UGT1A7: variants seen among roughly 807,000 people sequenced by gnomAD.
UGT1A7 encodes UDP glucuronosyltransferase family 1 member A7.
Under a neutral mutation model 45.6 loss-of-function variants are expected in UGT1A7, and 33 were observed. The observed-to-expected ratio is 0.72, with a 90% CI of 0.55 to 0.97. The LOEUF is 0.97. Ranked by LOEUF, UGT1A7 falls within the 50% of genes least tolerant of loss-of-function variation. The probability of loss-of-function intolerance (pLI) is 0.00; values close to 1 mark genes in which losing one functional copy is unlikely to be tolerated. For missense variants in UGT1A7, 684 were observed against 666.2 expected (o/e 1.03, Z -0.29); for synonymous variants, 274 against 250.6 (o/e 1.09, Z -0.88).
At chr2:233,716,382 C>T (rs2076502409) in intron 1 of UGT1A7, among the ~76,000 whole-genome samples, 3 of 152,170 alleles carry the variant, frequency 2.0e-5, no homozygotes, top group Admixed American at 2.0e-4. Context: ...TTCTGCCTAC[C>T]ACAGACACTA....
intron 1 of UGT1A7, chr2:233,690,370 A>G (rs2125544798): frequency 1.1e-6 from 1 of 873,070 alleles, no homozygotes; most frequent in East Asian, 6.2e-5. Flanking sequence ...AAACCTCTCC[A>G]TAGGGTCCAC....
intron 1 of UGT1A7, among the ~76,000 whole-genome samples, chr2:233,765,679 C>T (rs750579921): frequency 2.7e-5 from 4 of 150,004 alleles, no homozygotes; most frequent in Non-Finnish European, 4.4e-5. Flanking sequence ...CATATGTATC[C>T]CAGAACTTCA....
At chr2:233,770,522 G>A (rs1294728713) in intron 4 of UGT1A7, 1 of 152,120 alleles carries the variant, frequency 6.6e-6, no homozygotes. Context: ...CCCAGGCATG[G>A]TGGTGTATGC....
At chr2:233,744,603 G>A (rs894598694) in intron 1 of UGT1A7, among the ~76,000 whole-genome samples, 6 of 151,902 alleles carry the variant, frequency 3.9e-5, no homozygotes, top group African/African-American at 9.7e-5. Context: ...TCTCTCTTTA[G>A]TACTTGGCTC....
chr2:233,719,172 A>G, intron 1 of UGT1A7: 2 of 1,614,250 alleles, frequency 1.2e-6, no homozygotes, highest in Non-Finnish European at 1.7e-6. Flanking sequence ...GGCAATTATG[A>G]ACAATGTATC....
chr2:233,711,786 G>T (rs952710503), intron 1 of UGT1A7, among the ~76,000 whole-genome samples: 2 of 152,208 alleles, frequency 1.3e-5, no homozygotes, highest in Non-Finnish European at 2.9e-5. Context: ...AGTGTGCACA[G>T]CCCAGAGAGC....
intron 1 of UGT1A7, among the ~76,000 whole-genome samples, chr2:233,683,344 G>A (rs2074629666): frequency 6.6e-6 from 1 of 152,064 alleles, no homozygotes; most frequent in South Asian, 2.1e-4. Context: ...TTGCATGGTA[G>A]TCTTTACTTT....
intron 1 of UGT1A7, among the ~76,000 whole-genome samples, chr2:233,737,610 G>A (rs2078901280): frequency 6.6e-6 from 1 of 152,172 alleles, no homozygotes; most frequent in South Asian, 2.1e-4. Context: ...ACCTCAGTTG[G>A]AAATGCAGAA....
intron 1 of UGT1A7, among the ~76,000 whole-genome samples, chr2:233,756,623 G>A (rs1327328388): frequency 6.6e-6 from 1 of 152,146 alleles, no homozygotes; most frequent in East Asian, 1.9e-4. Flanking sequence ...CTTGCAGGCC[G>A]TGTGTATAGC....
chr2:233,697,459 C>A (rs958689433), intron 1 of UGT1A7, among the ~76,000 whole-genome samples: 3 of 147,922 alleles, frequency 2.0e-5, no homozygotes, highest in Admixed American at 6.7e-5. Context: ...TGAGTGTTTT[C>A]TCTTTTTCTT....
At chr2:233,691,010 G>C in intron 1 of UGT1A7, 1 of 993,922 alleles carries the variant, frequency 1.0e-6, no homozygotes. Context: ...TCAGAGCAAG[G>C]CTGTGGTTGG....
intron 1 of UGT1A7, chr2:233,692,449 C>T (rs45568235): frequency 0.021 from 3,275 of 156,680 alleles, 115 homozygotes; most frequent in African/African-American, 0.074. Flanking sequence ...ACCTGGGGAC[C>T]TACTACTTGC....
At chr2:233,689,021 C>G (rs10171367) in intron 1 of UGT1A7, among the ~76,000 whole-genome samples, 59,752 of 152,004 alleles carry the variant, frequency 0.39, 11,933 homozygotes, top group South Asian at 0.46. Flanking sequence ...ATAAACATGG[C>G]CAAGTGGAAA....
At chr2:233,715,712 C>T (rs1385583462) in intron 1 of UGT1A7, among the ~76,000 whole-genome samples, 1 of 152,152 alleles carries the variant, frequency 6.6e-6, no homozygotes, top group Admixed American at 6.5e-5. Context: ...GTGGAGGCTG[C>T]AGTGTGCCAT....
Position 233,733,786 on chromosome 2 carries a change from C to A in UGT1A7, c.856-33248C>A, listed in dbSNP as rs149311802. Among the ~76,000 whole-genome samples the A allele has an allele frequency of 6.6e-4, 100 of 152,236 alleles. 1 individual carries two copies. The highest frequency in any genetic ancestry group is 1.9e-3 in the African/African-American group (79 of 41,542). On this transcript the variant is annotated intron_variant, in intron 1 of 4. Transcript: ENST00000373426. ...ATTTTCTTTTTTTGTTGTGTCCCTG[C>A]CAACCTTTGGTATCAGGATGATGCT...
chr2:233,693,438 A>G (rs774532563), intron 1 of UGT1A7: 1 of 1,614,088 alleles, frequency 6.2e-7, no homozygotes, highest in East Asian at 2.2e-5. Context: ...AGCAAGTTTG[A>G]TGCTCTTTTC....
intron 1 of UGT1A7, among the ~76,000 whole-genome samples, chr2:233,686,441 G>A (rs1461606280): frequency 6.6e-6 from 1 of 152,040 alleles, no homozygotes; most frequent in Non-Finnish European, 1.5e-5. Context: ...TTGACATGGA[G>A]GCTCTCCCAT....
chr2:233,769,664 G>A lies in UGT1A7; in HGVS notation c.1295+1225G>A. ...CTGATGACTGACTTCCCACCTTTGAGGTGCTAATGTGTGTGTGGTGGCACT... is the reference window on the plus strand; with the variant it reads ...CTGATGACTGACTTCCCACCTTTGAAGTGCTAATGTGTGTGTGGTGGCACT... On this transcript the variant is annotated intron_variant, in intron 4 of 4. Coordinates refer to ENST00000373426, the MANE Select transcript of UGT1A7 (RefSeq NM_019077.3). This position sits in a 1 kb window ranked among gnomAD's most constrained non-coding sequence, Gnocchi z 4.4. The A allele has an allele frequency of 6.3e-7, 1 of 1,596,206 alleles. No homozygotes were observed. Among genetic ancestry groups the A allele is most frequent in the African/African-American group, 1.3e-5 (1 of 74,742 alleles).
intron 1 of UGT1A7, among the ~76,000 whole-genome samples, chr2:233,712,488 T>C (rs2076236717): frequency 1.3e-5 from 2 of 152,212 alleles, no homozygotes; most frequent in Admixed American, 1.3e-4. Flanking sequence ...TAAAGAAAGC[T>C]GGCTTAGCAA....
Sources: gnomAD v4.1 joint callset for allele counts (sites outside exome capture counted in the v4.1 genomes callset) on GRCh38, gnomAD v4.1.1 for gene constraint, Gnocchi (gnomAD v3.1) non-coding constraint, MANE v1.5 for transcripts, NCBI Gene and HGNC (gene_info 2026-07-23, HGNC 2026-07-21) for gene names.